Variants in TASOR2 observed in about 807,000 individuals in gnomAD.
The protein encoded by TASOR2 is protein TASOR 2.
A neutral mutation model predicts 199.5 loss-of-function variants in TASOR2; 84 were observed. That is an observed-to-expected ratio of 0.42 (90% CI 0.35 to 0.50). The LOEUF is 0.50. TASOR2 is among the 20% of genes least tolerant of loss of function. The pLI is 0.02. For synonymous variants in TASOR2, 1,103 were observed against 1,046.6 expected (o/e 1.05, Z -1.04); for missense variants, 2,796 against 2,835.9 (o/e 0.99, Z 0.32).
intron 2 of TASOR2, among the ~76,000 whole-genome samples, chr10:5,715,906 G>A (rs1832566439): frequency 6.6e-6 from 1 of 152,162 alleles, no homozygotes; most frequent in Non-Finnish European, 1.5e-5. Flanking sequence ...CTCCCAAAGT[G>A]CTGGGATTAC....
chr10:5,721,021 G>T (rs1210388456), intron 6 of TASOR2, 51 bp downstream of exon 7: 2 of 1,486,728 alleles, frequency 1.3e-6, no homozygotes, highest in South Asian at 1.2e-5. Context: ...ACAAGTTTTG[G>T]GGTTTTTTTT....
At chr10:5,757,483 A>C in intron 16 of TASOR2, 37 bp from the exon 18 acceptor site, 4 of 1,553,418 alleles carry the variant, frequency 2.6e-6, no homozygotes, top group Non-Finnish European at 3.5e-6. Context: ...GTGCCCAGTG[A>C]GCCTCTCTTC....
chr10:5,693,405 T>G (rs1422536712), intron 1 of TASOR2, among the ~76,000 whole-genome samples: 1 of 152,250 alleles, frequency 6.6e-6, no homozygotes, highest in African/African-American at 2.4e-5. Flanking sequence ...ATTATCTTGG[T>G]TTAAACTCGT....
intron 15 of TASOR2, among the ~76,000 whole-genome samples, chr10:5,756,091 G>A (rs1158258670): frequency 6.6e-6 from 1 of 152,168 alleles, no homozygotes; most frequent in East Asian, 1.9e-4. Context: ...TGATTAGGGA[G>A]CCATTCTGTG....
rs769742772 is a variant in TASOR2 at position 5,727,092 on chromosome 10, G to A, written c.456G>A (p.Gly152=). 1.3e-5 allele frequency: 21 copies of A among 1,613,910 alleles called. 1 individual carries two copies. The highest frequency in any genetic ancestry group is 8.8e-5 in the South Asian group (8 of 91,084). Residue 152 remains glycine (G), a synonymous_variant, in exon 10 of 21, where the codon GGG becomes GGA. Coordinates refer to ENST00000328090, the Ensembl canonical transcript of TASOR2. ...GAGGCAAGCAGATGGGTCTGCATGG[G>A]TTACATTTATTTCGTTCACCCCTGT...
exon 15 of TASOR2, chr10:5,746,383 C>T: frequency 6.2e-7 from 1 of 1,614,110 alleles, no homozygotes; most frequent in Non-Finnish European, 8.5e-7. Flanking sequence ...TGGCAGTCAG[C>T]CAGTGATATG....
rs1006376556 is a variant in TASOR2, at chr10:5,744,646, A to G, written c.2758-1533A>G. Among the ~76,000 whole-genome samples, 4 of 151,954 alleles carry G rather than the reference A, an allele frequency of 2.6e-5. No individual in the cohort carries two copies. In the East Asian group the frequency reaches 7.8e-4, roughly 29 times the overall value. Reference sequence around the variant, plus strand: ...TTGTTTGTTTTGTTTTGTTTGAGACAGAGTCTCGTGAGCCACTGCTCCAGC... The same window carrying G: ...TTGTTTGTTTTGTTTTGTTTGAGACGGAGTCTCGTGAGCCACTGCTCCAGC... On this transcript the variant is annotated intron_variant, in intron 14 of 20. Transcript: ENST00000328090.
In TASOR2 at chr10:5,698,460, G is replaced by C. The variant is rs933168520; in HGVS notation, c.-288+13285G>C. On this transcript the variant is annotated intron_variant, in intron 1 of 20. Coordinates refer to ENST00000328090, the Ensembl canonical transcript of TASOR2. This position sits in a 1 kb window ranked among gnomAD's most constrained non-coding sequence, Gnocchi z 4.4. ...ATGATTAAAAATAAAAAAAGAGAGA[G>C]AAAAACCACAATTTTCTACAGACGA... is the stretch of plus-strand genomic sequence containing the variant. Among the ~76,000 whole-genome samples the C allele has an allele frequency of 6.6e-5, 10 of 152,062 alleles. No homozygotes were observed. Among genetic ancestry groups the C allele is most frequent in the Admixed American group, 3.9e-4 (6 of 15,268 alleles).
At chr10:5,726,817 T>C in intron 8 of TASOR2, 68 bp from the exon 10 acceptor site, 2 of 1,377,948 alleles carry the variant, frequency 1.5e-6, no homozygotes, top group East Asian at 2.3e-5. Flanking sequence ...CACTAATGAG[T>C]ATGGGTAGAG....
At chr10:5,717,041 A>T (rs1043087470) in intron 2 of TASOR2, among the ~76,000 whole-genome samples, 4 of 150,638 alleles carry the variant, frequency 2.7e-5, no homozygotes, top group African/African-American at 4.8e-5. Flanking sequence ...AAAAAAAAAA[A>T]AAAAGACGTT....
chr10:5,688,802 G>A (rs2386623), intron 1 of TASOR2, among the ~76,000 whole-genome samples: 43,513 of 151,344 alleles, frequency 0.29, 6,443 homozygotes, highest in South Asian at 0.35. Context: ...AGCCAGGTTT[G>A]AGACCAGCCT....
rs146462480 is a variant in TASOR2 at position 5,757,497 on chromosome 10, G to A, written c.6733-23G>A. The A allele has an allele frequency of 2.6e-4, 408 of 1,580,794 alleles. 1 individual carries two copies. In the East Asian group the frequency reaches 6.7e-3, roughly 26 times the overall value. ...TGTGCCCAGTGAGCCTCTCTTCACCGGGGTCCTTTTTGTGTCATGCAGATT... is the reference window on the plus strand; with the variant it reads ...TGTGCCCAGTGAGCCTCTCTTCACCAGGGTCCTTTTTGTGTCATGCAGATT... On this transcript the variant is annotated intron_variant, in intron 16 of 20. Coordinates refer to ENST00000328090, the Ensembl canonical transcript of TASOR2.
rs982968156 is a variant in TASOR2, at chr10:5,754,256, C to G, written c.6607-2357C>G. 1.3e-5 allele frequency among the ~76,000 whole-genome samples: 2 copies of G among 152,150 alleles called. No individual in the cohort carries two copies. The highest frequency in any genetic ancestry group is 1.3e-4 in the Admixed American group (2 of 15,280). ...GAGGTTGTAGTAAGCCACTGTGCTC[C>G]CAGCCTGCCCGACAGAGTGAGACTC... On this transcript the variant is annotated intron_variant, in intron 15 of 20. Transcript: ENST00000328090. This position sits in a 1 kb window ranked among gnomAD's most constrained non-coding sequence, Gnocchi z 4.3.
At chr10:5,709,753 A>G (rs570614843) in intron 1 of TASOR2, 3 of 1,103,836 alleles carry the variant, frequency 2.7e-6, no homozygotes, top group South Asian at 9.4e-5. Flanking sequence ...AGATCATGTA[A>G]AACAAAAAGA....
chr10:5,711,992 T>C (rs1448541983), intron 1 of TASOR2, among the ~76,000 whole-genome samples: 1 of 151,608 alleles, frequency 6.6e-6, no homozygotes, highest in Non-Finnish European at 1.5e-5. Flanking sequence ...GTGTGGCGTA[T>C]ATATTTAAAA....
chr10:5,740,932 G>A lies in TASOR2; in HGVS notation c.2327+435G>A, dbSNP rs577415035. Among the ~76,000 whole-genome samples the A allele has an allele frequency of 5.1e-4, 77 of 152,320 alleles. 1 individual carries two copies. The South Asian group carries it at 0.015, about 29-fold the overall frequency. ...GGAGTAAGCAGTTTCACATAAGATT[G>A]TTCTATAGATCTCCCTTAAGAAGGA... On this transcript the variant is annotated intron_variant, in intron 13 of 20. Coordinates refer to ENST00000328090, the Ensembl canonical transcript of TASOR2. The surrounding 1 kb of genome is among the most constrained non-coding windows in gnomAD (Gnocchi z 5.3).
At position 5,754,170 on chromosome 10, in the gene TASOR2, C is replaced by T. The variant is rs115875842; in HGVS notation, c.6607-2443C>T. ...AAATAAAAAAATTAGCCGGGTGTGG[C>T]GGCGCGCGCTTGTGGTACTCGGGAG... On this transcript the variant is annotated intron_variant, in intron 15 of 20. Coordinates refer to ENST00000328090, the Ensembl canonical transcript of TASOR2. This position sits in a 1 kb window ranked among gnomAD's most constrained non-coding sequence, Gnocchi z 4.3. Among the ~76,000 whole-genome samples the T allele has an allele frequency of 8.0e-3, 1,211 of 152,046 alleles. 22 individuals carry two copies. Among genetic ancestry groups the T allele is most frequent in the African/African-American group, 0.027 (1,126 of 41,464 alleles).
chr10:5,761,345 A>G lies in TASOR2; in HGVS notation c.7048A>G (p.Asn2350Asp), dbSNP rs764700690. 4.3e-6 allele frequency: 7 copies of G among 1,613,998 alleles called. No homozygotes were observed. The Admixed American group carries it at 8.3e-5, about 19-fold the overall frequency. ...AATGTTGAAGTCATTTCAGAGTGCA[A>G]ATATCATTGAATTGCTTCATTATCA... Residue 2350 changes from asparagine to aspartate, a missense_variant, in exon 19 of 21, where the codon AAT becomes GAT. By Grantham distance (23) the Asn-to-Asp change is conservative. Transcript: ENST00000328090.
intron 10 of TASOR2, among the ~76,000 whole-genome samples, chr10:5,727,755 C>T (rs1834235609): frequency 6.6e-6 from 1 of 152,226 alleles, no homozygotes; most frequent in Non-Finnish European, 1.5e-5. Context: ...TTTCTTTGTT[C>T]CCGTCAACAC....
Sources: allele counts gnomAD v4.1 joint callset (sites outside exome capture counted in the v4.1 genomes callset), GRCh38; gene constraint gnomAD v4.1.1; non-coding constraint Gnocchi (gnomAD v3.1); transcripts MANE v1.5; gene names NCBI Gene and HGNC (gene_info 2026-07-23, HGNC 2026-07-21).